KCNK1: variants seen among roughly 807,000 people sequenced by gnomAD.
KCNK1 encodes potassium two pore domain channel subfamily K member 1, also known as potassium channel subfamily K member 1.
KCNK1 carries 10 observed loss-of-function variants against 22.2 expected under a neutral mutation model. That is an observed-to-expected ratio of 0.45 (90% CI 0.28 to 0.76). The LOEUF (loss-of-function observed/expected upper bound fraction) is 0.76, where lower values mean the gene tolerates loss of function less well. KCNK1 is among the 30% of genes least tolerant of loss of function. The probability of loss-of-function intolerance (pLI) is 0.14; values close to 1 mark genes in which losing one functional copy is unlikely to be tolerated. For synonymous variants in KCNK1, 200 were observed against 186.4 expected, an observed-to-expected ratio of 1.07 and a Z score of -0.60; for missense variants, 378 against 421.0, an observed-to-expected ratio of 0.90 and a Z score of 0.89.
intron 1 of KCNK1, among the ~76,000 whole-genome samples, chr1:233,650,898 G>A (rs894868394): frequency 5.9e-5 from 9 of 152,064 alleles, no homozygotes; most frequent in African/African-American, 2.2e-4. Context: ...TTTCCCTCCC[G>A]GGGGCACCAG....
intron 1 of KCNK1, chr1:233,650,048 A>C (rs1158255402): frequency 1.9e-6 from 1 of 533,448 alleles, no homozygotes; most frequent in South Asian, 1.4e-5. Context: ...AGAGTACACC[A>C]GGTGATGTGA....
At chr1:233,622,000 C>T (rs1657596741) in intron 1 of KCNK1, among the ~76,000 whole-genome samples, 1 of 152,130 alleles carries the variant, frequency 6.6e-6, no homozygotes, top group Admixed American at 6.5e-5. Flanking sequence ...CTACTATTAT[C>T]AATAACTTGG....
At chr1:233,654,316 C>T (rs1538021) in intron 1 of KCNK1, among the ~76,000 whole-genome samples, 13,653 of 152,076 alleles carry the variant, frequency 0.09, 1,903 homozygotes, top group African/African-American at 0.3. Context: ...TGTAACAAAC[C>T]TGCACGTTCA....
intron 1 of KCNK1, among the ~76,000 whole-genome samples, chr1:233,628,076 G>A (rs1006041911): frequency 6.6e-6 from 1 of 152,204 alleles, no homozygotes; most frequent in African/African-American, 2.4e-5. Flanking sequence ...AGTGGAGTAT[G>A]TGTGCCCTCA....
intron 1 of KCNK1, among the ~76,000 whole-genome samples, chr1:233,624,925 T>C (rs1025216698): frequency 1.3e-5 from 2 of 152,192 alleles, no homozygotes; most frequent in Admixed American, 6.5e-5. Context: ...CTCCTGGATG[T>C]GTCAGTCTGG....
Position 233,671,399 on chromosome 1 carries a change from A to G in KCNK1, c.880A>G (p.Ile294Val). The G allele has an allele frequency of 6.2e-7, 1 of 1,614,236 alleles. No individual in the cohort carries two copies. Among genetic ancestry groups the G allele is most frequent in the Non-Finnish European group, 8.5e-7 (1 of 1,180,040 alleles). The change falls in exon 3 of 3, where the codon ATA (isoleucine) becomes GTA (valine). Residue 294 changes from isoleucine (I) to valine (V), a missense_variant. By Grantham distance (29) the Ile-to-Val change is conservative (BLOSUM62 3). Transcript: ENST00000366621. The stretch of plus-strand genomic sequence containing the variant: ...CAAGGACGAGGATCAGGTGCACATC[A>G]TAGAGCATGACCAACTGTCCTTCTC... Reference protein sequence around the residue: ...KDKDEDQVHIIEHDQLSFSSI... With the variant: ...KDKDEDQVHIVEHDQLSFSSI...
At chr1:233,644,075 A>G (rs779853246) in intron 1 of KCNK1, among the ~76,000 whole-genome samples, 1 of 152,236 alleles carries the variant, frequency 6.6e-6, no homozygotes, top group Non-Finnish European at 1.5e-5. Flanking sequence ...TTTATTTCTC[A>G]AAGTTCTGGA....
At chr1:233,665,627 C>A (rs889970248) in intron 1 of KCNK1, among the ~76,000 whole-genome samples, 1 of 145,640 alleles carries the variant, frequency 6.9e-6, no homozygotes, top group African/African-American at 2.5e-5. Flanking sequence ...CCCAAAGAAT[C>A]CCCTGGTCGG....
rs1234621830 is a variant in KCNK1, at chr1:233,671,545, G to A, written c.*15G>A. 6.2e-7 allele frequency: 1 copy of A among 1,613,552 alleles called. No individual in the cohort carries two copies. The highest frequency in any genetic ancestry group is 2.2e-5 in the East Asian group (1 of 44,886). On this transcript the variant is annotated 3_prime_UTR_variant, in exon 3 of 3. Transcript: ENST00000366621. Reference sequence around the variant, plus strand: ...CAAACCATTGAGCGTAGGATTTGTTGCATTATGCTAGAGCACCAGGGTCAG... The same window carrying A: ...CAAACCATTGAGCGTAGGATTTGTTACATTATGCTAGAGCACCAGGGTCAG...
At chr1:233,668,896 C>T (rs1658546140) in intron 2 of KCNK1, among the ~76,000 whole-genome samples, 1 of 152,316 alleles carries the variant, frequency 6.6e-6, no homozygotes, top group South Asian at 2.1e-4. Flanking sequence ...TGAGCCACCC[C>T]ACCTGGCCAA....
At chr1:233,666,544 T>C in intron 1 of KCNK1, 51 bp from the exon 2 acceptor site, 1 of 1,531,258 alleles carries the variant, frequency 6.5e-7, no homozygotes, top group Non-Finnish European at 8.8e-7. Flanking sequence ...AAAAACGTGT[T>C]TGCCACTTTG....
At chr1:233,627,608 C>T (rs1657712843) in intron 1 of KCNK1, among the ~76,000 whole-genome samples, 1 of 136,370 alleles carries the variant, frequency 7.3e-6, no homozygotes, top group Non-Finnish European at 1.6e-5. Context: ...AGATGCACCT[C>T]GCAGTGGGAG....
chr1:233,623,724 G>T (rs570484269), intron 1 of KCNK1, among the ~76,000 whole-genome samples: 1 of 152,234 alleles, frequency 6.6e-6, no homozygotes, highest in Non-Finnish European at 1.5e-5. Context: ...GAGTAACTGG[G>T]ACCACAGGCG....
rs1657435169 is a variant in KCNK1, at chr1:233,614,119, G to A, written c.-53G>A. 7.7e-7 allele frequency: 1 copy of A among 1,306,674 alleles called. No homozygotes were observed. Among genetic ancestry groups the A allele is most frequent in the African/African-American group, 1.6e-5 (1 of 64,240 alleles). The allele number at this position is 1,306,674 out of a possible 1,614,324, so 80.9% of individuals were successfully genotyped here. A position where few individuals can be genotyped will look rare whatever the true frequency, so the allele number is the denominator to read the frequency against. On this transcript the variant is annotated 5_prime_UTR_variant, in exon 1 of 3. Transcript: ENST00000366621. ...GGCGGCGGGGCCAGAAGAGGCGGCG[G>A]GCCGCGCTCCGGCCGGTCTGCGGCG...
intron 2 of KCNK1, among the ~76,000 whole-genome samples, chr1:233,667,898 A>C (rs1658528384): frequency 6.6e-6 from 1 of 152,194 alleles, no homozygotes. Flanking sequence ...GAAAAGTCTT[A>C]AAAGAGCTGC....
intron 1 of KCNK1, among the ~76,000 whole-genome samples, chr1:233,636,160 G>A (rs187457931): frequency 2.0e-5 from 3 of 152,192 alleles, no homozygotes; most frequent in Admixed American, 1.3e-4. Flanking sequence ...GGACCTTATG[G>A]GCCCTGATAA....
At chr1:233,631,267 G>C (rs1657785937) in intron 1 of KCNK1, 1 of 531,018 alleles carries the variant, frequency 1.9e-6, no homozygotes, top group Non-Finnish European at 3.9e-6. Flanking sequence ...GCGGGTTTCT[G>C]ACAACATCAA....
chr1:233,631,586 C>T (rs1250959626), intron 1 of KCNK1: 1 of 288,236 alleles, frequency 3.5e-6, no homozygotes, highest in Non-Finnish European at 6.8e-6. Flanking sequence ...ACCCTACCCT[C>T]ACTCATCATC....
chr1:233,636,879 G>T (rs983850167), intron 1 of KCNK1, among the ~76,000 whole-genome samples: 1 of 152,114 alleles, frequency 6.6e-6, no homozygotes, highest in Non-Finnish European at 1.5e-5. Flanking sequence ...CAGGGAAGTG[G>T]AGGATCAAGA....
Sources: allele counts gnomAD v4.1 joint callset (sites outside exome capture counted in the v4.1 genomes callset), GRCh38; gene constraint gnomAD v4.1.1; transcripts MANE v1.5; gene names NCBI Gene and HGNC (gene_info 2026-07-23, HGNC 2026-07-21).